The following SH3RF3 variants were observed in gnomAD, a reference collection of about 807,000 sequenced individuals.
SH3RF3 encodes E3 ubiquitin-protein ligase SH3RF3.
Under a neutral mutation model 66.3 loss-of-function variants are expected in SH3RF3, and 29 were observed. The ratio of observed to expected loss-of-function variants is 0.44; its 90% CI spans 0.33 to 0.60. The LOEUF (loss-of-function observed/expected upper bound fraction) is 0.60. Among genes scored for constraint, SH3RF3 ranks in the 20% least tolerant of loss-of-function variants. The pLI is 0.04. For synonymous variants in SH3RF3, 583 were observed against 532.0 expected, an observed-to-expected ratio of 1.10 and a Z score of -1.32; for missense variants, 1,194 against 1,190.9, an observed-to-expected ratio of 1.00 and a Z score of -0.04.
chr2:109,501,922 A>G lies in SH3RF3; in HGVS notation c.*251A>G, dbSNP rs1679399552. The G allele has an allele frequency of 6.6e-6, 3 of 457,496 alleles. No homozygotes were observed. The South Asian group carries it at 1.1e-4, about 17-fold the overall frequency. The allele number at this position is 457,496 out of a possible 1,614,324, so 28.3% of individuals were successfully genotyped here. A position where few individuals can be genotyped will look rare whatever the true frequency, so the allele number is the denominator to read the frequency against. ...ACCCCCTCTGTGGAAACTGCAAAGA[A>G]AGCACCTTGAGGAAGAGAGGCAGGT... On this transcript the variant is annotated 3_prime_UTR_variant, in exon 10 of 10. Coordinates refer to ENST00000309415, the MANE Select transcript of SH3RF3 (RefSeq NM_001099289.3).
rs1037445214 is a variant in SH3RF3 at position 109,489,292 on chromosome 2, C to T, written c.2149-1313C>T. Among the ~76,000 whole-genome samples, 7 of 152,236 alleles carry T rather than the reference C, an allele frequency of 4.6e-5. No individual in the cohort carries two copies. The East Asian group carries it at 5.8e-4, about 13-fold the overall frequency. On this transcript the variant is annotated intron_variant, in intron 8 of 9. Coordinates refer to ENST00000309415, the MANE Select transcript of SH3RF3 (RefSeq NM_001099289.3). ...GACACCTTATCGGGTGGAGACCCTT[C>T]ACCGGGCACTAAGCAGTATCCCACA... is the stretch of plus-strand genomic sequence containing the variant.
chr2:109,176,920 C>A (rs374027828), intron 1 of SH3RF3, among the ~76,000 whole-genome samples: 1 of 152,124 alleles, frequency 6.6e-6, no homozygotes, highest in Non-Finnish European at 1.5e-5. Flanking sequence ...CAGGGTGAGA[C>A]TGGTGGAAAG....
At chr2:109,160,705 C>T (rs1677468664) in intron 1 of SH3RF3, among the ~76,000 whole-genome samples, 1 of 152,188 alleles carries the variant, frequency 6.6e-6, no homozygotes, top group Non-Finnish European at 1.5e-5. Flanking sequence ...AGGGGCTGTG[C>T]TCTCAGCCTG....
chr2:109,249,368 C>T (rs1680001812), intron 1 of SH3RF3, among the ~76,000 whole-genome samples: 1 of 152,164 alleles, frequency 6.6e-6, no homozygotes, highest in Non-Finnish European at 1.5e-5. Flanking sequence ...GGTATTATTG[C>T]CATGACTACA....
At chr2:109,478,257 C>T (rs957988995) in intron 8 of SH3RF3, among the ~76,000 whole-genome samples, 18 of 152,208 alleles carry the variant, frequency 1.2e-4, no homozygotes, top group Admixed American at 9.8e-4. Context: ...CTCTCAGTTC[C>T]CATAAAGCCG....
rs36135065 is a variant in SH3RF3, at chr2:109,496,681, A to T, written c.2481-4822A>T. 5.3e-5 allele frequency among the ~76,000 whole-genome samples: 8 copies of T among 152,036 alleles called. No individual in the cohort carries two copies. The East Asian group carries it at 1.2e-3, about 22-fold the overall frequency. ...TTTGTTAGGATTTCAGCGTTCCTTG[A>T]TCTGATCCATTATGTGTGTGGTGAG... On this transcript the variant is annotated intron_variant, in intron 9 of 9. Coordinates refer to ENST00000309415, the MANE Select transcript of SH3RF3 (RefSeq NM_001099289.3).
intron 1 of SH3RF3, among the ~76,000 whole-genome samples, chr2:109,284,075 C>T (rs938923507): frequency 6.6e-6 from 1 of 152,154 alleles, no homozygotes; most frequent in Non-Finnish European, 1.5e-5. Context: ...CCTTGTCCTG[C>T]CCCCTGGCCT....
intron 1 of SH3RF3, among the ~76,000 whole-genome samples, chr2:109,282,103 C>A (rs989630156): frequency 1.3e-5 from 2 of 152,074 alleles, no homozygotes; most frequent in Non-Finnish European, 2.9e-5. Flanking sequence ...TAGTTGCATT[C>A]TGGCTCAGGG....
In SH3RF3 at chr2:109,449,150, C is replaced by T; in HGVS notation, c.1829-20C>T. On this transcript the variant is annotated intron_variant, in intron 7 of 9. Transcript: ENST00000309415. ...GCAAACTAACCTTTCAACCTGCTGT[C>T]TCTCCAACCCCGTCTCCAGCTGCCC... 2 of 1,609,542 alleles carry T rather than the reference C, an allele frequency of 1.2e-6. No homozygotes were observed. The highest frequency in any genetic ancestry group is 1.7e-6 in the Non-Finnish European group (2 of 1,178,204).
intron 8 of SH3RF3, among the ~76,000 whole-genome samples, chr2:109,486,585 C>T (rs1218055969): frequency 6.6e-6 from 1 of 152,212 alleles, no homozygotes; most frequent in Non-Finnish European, 1.5e-5. Flanking sequence ...CTATAGCTGT[C>T]ATCTCAGCAG....
intron 1 of SH3RF3, chr2:109,141,491 C>G (rs761980347): frequency 1.3e-5 from 2 of 155,012 alleles, no homozygotes. Flanking sequence ...TCCCAGTGAC[C>G]AGGCCCAGCC....
intron 8 of SH3RF3, among the ~76,000 whole-genome samples, chr2:109,453,983 G>A (rs891089714): frequency 6.6e-6 from 1 of 152,224 alleles, no homozygotes; most frequent in Non-Finnish European, 1.5e-5. Context: ...GCTCAGCACT[G>A]CAAAATCTGC....
chr2:109,307,433 ATT>A (rs1321032107), intron 1 of SH3RF3, among the ~76,000 whole-genome samples: 19 of 149,906 alleles, frequency 1.3e-4, no homozygotes, highest in Non-Finnish European at 2.5e-4. Context: ...TTTTTTTTTT[ATT>A]ATTATACTTT....
At chr2:109,199,031 C>T (rs914595422) in intron 1 of SH3RF3, among the ~76,000 whole-genome samples, 2 of 151,956 alleles carry the variant, frequency 1.3e-5, no homozygotes, top group African/African-American at 2.4e-5. Flanking sequence ...CCTTAAGCAC[C>T]GTCTTGAGTT....
At chr2:109,203,884 G>A (rs918728962) in intron 1 of SH3RF3, among the ~76,000 whole-genome samples, 10 of 152,198 alleles carry the variant, frequency 6.6e-5, no homozygotes, top group East Asian at 1.9e-4. Flanking sequence ...TTCCCTGTGC[G>A]GCCTGGCAGC....
At chr2:109,326,660 TGTTTAA>T (rs962168974) in intron 1 of SH3RF3, among the ~76,000 whole-genome samples, 4 of 152,218 alleles carry the variant, frequency 2.6e-5, no homozygotes, top group African/African-American at 9.6e-5. Flanking sequence ...CTACAATGCC[TGTTTAA>T]GTTAACTTAT....
At chr2:109,193,439 C>G (rs1191810781) in intron 1 of SH3RF3, among the ~76,000 whole-genome samples, 1 of 152,234 alleles carries the variant, frequency 6.6e-6, no homozygotes, top group Non-Finnish European at 1.5e-5. Flanking sequence ...TCCTTACTGT[C>G]ACCCCAGCTC....
intron 1 of SH3RF3, among the ~76,000 whole-genome samples, chr2:109,205,792 G>A (rs983016187): frequency 6.6e-6 from 1 of 152,160 alleles, no homozygotes; most frequent in Admixed American, 6.5e-5. Flanking sequence ...TGAAGCAGCG[G>A]GGGGATCAGA....
chr2:109,304,003 AG>A (rs540713873), intron 1 of SH3RF3, among the ~76,000 whole-genome samples: 136 of 152,166 alleles, frequency 8.9e-4, no homozygotes, highest in Middle Eastern at 3.4e-3. Flanking sequence ...TCAGAGGCTG[AG>A]GCAGGAGAAT....
Sources: gnomAD v4.1 joint callset for allele counts (sites outside exome capture counted in the v4.1 genomes callset) on GRCh38, gnomAD v4.1.1 for gene constraint, MANE v1.5 for transcripts, NCBI Gene and HGNC (gene_info 2026-07-23, HGNC 2026-07-21) for gene names.